The following WDR7 variants were observed in gnomAD, a reference collection of about 807,000 sequenced individuals.
The protein encoded by WDR7 is WD repeat domain 7, also known as WD repeat-containing protein 7.
Under a neutral mutation model 169.4 loss-of-function variants are expected in WDR7, and 46 were observed. The ratio of observed to expected loss-of-function variants is 0.27; its 90% CI spans 0.21 to 0.35. WDR7 has a LOEUF of 0.35. Ranked by LOEUF, WDR7 falls within the 10% of genes least tolerant of loss-of-function variation. The pLI, the probability that WDR7 is intolerant of heterozygous loss-of-function variation, is 1.00. For synonymous variants in WDR7, 612 were observed against 666.8 expected (o/e 0.92, Z 1.27); for missense variants, 1,534 against 1,859.3 (o/e 0.83, Z 3.22).
chr18:56,800,806 T>C (rs2044660156), intron 19 of WDR7, among the ~76,000 whole-genome samples: 2 of 152,226 alleles, frequency 1.3e-5, no homozygotes, highest in South Asian at 4.1e-4. Flanking sequence ...TGGCACAGGC[T>C]CCCTGCTCAT....
intron 16 of WDR7, among the ~76,000 whole-genome samples, chr18:56,773,216 A>G (rs2044191187): frequency 6.6e-6 from 1 of 152,148 alleles, no homozygotes; most frequent in Non-Finnish European, 1.5e-5. Context: ...GCCCCTTATG[A>G]AGGCACTTTT....
chr18:56,727,699 G>A (rs1392339070), intron 13 of WDR7, among the ~76,000 whole-genome samples: 1 of 152,120 alleles, frequency 6.6e-6, no homozygotes, highest in Non-Finnish European at 1.5e-5. Flanking sequence ...AGATTTGGGT[G>A]GTGACTCAGG....
At chr18:56,738,795 ATCCTTTTT>A (rs2026758548) in intron 14 of WDR7, among the ~76,000 whole-genome samples, 1 of 131,454 alleles carries the variant, frequency 7.6e-6, no homozygotes, top group African/African-American at 3.0e-5. Flanking sequence ...ATAGCATAAA[ATCCTTTTT>A]TTTTTTTTTT....
intron 21 of WDR7, among the ~76,000 whole-genome samples, chr18:56,895,527 AAATTAAAATG>A (rs1056442439): frequency 6.6e-6 from 1 of 151,808 alleles, no homozygotes; most frequent in Non-Finnish European, 1.5e-5. Flanking sequence ...TGGTTAAAAT[AAATTAAAATG>A]ATGCTCAAAT....
chr18:56,678,786 C>T (rs1314956133), intron 2 of WDR7, among the ~76,000 whole-genome samples: 2 of 152,318 alleles, frequency 1.3e-5, no homozygotes, highest in Non-Finnish European at 2.9e-5. Context: ...TGAGGCACCG[C>T]ACCCAGCAGC....
At chr18:57,010,931 T>C (rs1489420410) in intron 26 of WDR7, among the ~76,000 whole-genome samples, 1 of 152,210 alleles carries the variant, frequency 6.6e-6, no homozygotes, top group African/African-American at 2.4e-5. Flanking sequence ...TGCTGTATGA[T>C]GATTACAGCG....
At chr18:56,956,956 T>C (rs945497303) in intron 25 of WDR7, among the ~76,000 whole-genome samples, 1 of 152,140 alleles carries the variant, frequency 6.6e-6, no homozygotes, top group African/African-American at 2.4e-5. Flanking sequence ...GAACATTCTT[T>C]TAGTGAAAAG....
intron 17 of WDR7, 93 bp from the exon 18 acceptor site, chr18:56,779,337 CT>C (rs1314971921): frequency 1.0e-5 from 9 of 879,874 alleles, no homozygotes; most frequent in Non-Finnish European, 1.2e-5. Flanking sequence ...GCAGATCTGC[CT>C]TTTTTTGTTT....
At chr18:56,806,602 G>A (rs1041223787) in intron 19 of WDR7, among the ~76,000 whole-genome samples, 27 of 152,186 alleles carry the variant, frequency 1.8e-4, no homozygotes, top group African/African-American at 4.6e-4. Context: ...TTCATTCACC[G>A]AGTCCCTCCA....
At chr18:56,810,438 T>C (rs2044848944) in intron 19 of WDR7, among the ~76,000 whole-genome samples, 1 of 152,116 alleles carries the variant, frequency 6.6e-6, no homozygotes, top group Non-Finnish European at 1.5e-5. Context: ...AAATGAAATA[T>C]ATATATAATT....
intron 25 of WDR7, among the ~76,000 whole-genome samples, chr18:56,951,859 A>G (rs988844821): frequency 6.6e-6 from 1 of 152,192 alleles, no homozygotes; most frequent in Non-Finnish European, 1.5e-5. Flanking sequence ...TGAAGAGCCC[A>G]AAGAACATTT....
intron 19 of WDR7, among the ~76,000 whole-genome samples, chr18:56,789,852 G>A (rs1218642957): frequency 6.6e-6 from 1 of 152,124 alleles, no homozygotes; most frequent in Non-Finnish European, 1.5e-5. Context: ...TTAAGAAGTT[G>A]TACATACTTA....
chr18:56,945,397 A>G (rs1016844602), intron 25 of WDR7, among the ~76,000 whole-genome samples: 1 of 152,202 alleles, frequency 6.6e-6, no homozygotes, highest in African/African-American at 2.4e-5. Flanking sequence ...AATAGTCTGT[A>G]GCTGTCTGTA....
At chr18:56,979,256 T>C (rs1242420144) in intron 26 of WDR7, among the ~76,000 whole-genome samples, 1 of 152,212 alleles carries the variant, frequency 6.6e-6, no homozygotes, top group Non-Finnish European at 1.5e-5. Flanking sequence ...GTTTTAGTTA[T>C]TCCTTTCTAC....
At chr18:56,923,341 C>T (rs757484016) in intron 21 of WDR7, among the ~76,000 whole-genome samples, 38 of 152,194 alleles carry the variant, frequency 2.5e-4, no homozygotes, top group Non-Finnish European at 4.3e-4. Context: ...ACTATTAACA[C>T]GTTTAACAAA....
chr18:56,798,111 T>C (rs1030959020), intron 19 of WDR7, among the ~76,000 whole-genome samples: 4 of 152,182 alleles, frequency 2.6e-5, no homozygotes, highest in African/African-American at 9.7e-5. Context: ...GTTAAAAGCA[T>C]TTTATTTTTA....
chr18:56,784,093 C>G (rs1316619298), intron 19 of WDR7, among the ~76,000 whole-genome samples: 2 of 152,048 alleles, frequency 1.3e-5, no homozygotes, highest in Non-Finnish European at 2.9e-5. Flanking sequence ...TGTAAAGTAC[C>G]CACTATTGCC....
chr18:56,867,790 T>C (rs2045902758), intron 20 of WDR7, among the ~76,000 whole-genome samples: 1 of 152,124 alleles, frequency 6.6e-6, no homozygotes, highest in Non-Finnish European at 1.5e-5. Flanking sequence ...AAGTTAAACA[T>C]TGGAATAATT....
chr18:56,893,533 G>T (rs2046292830), intron 21 of WDR7, among the ~76,000 whole-genome samples: 1 of 152,120 alleles, frequency 6.6e-6, no homozygotes, highest in Non-Finnish European at 1.5e-5. Context: ...TTAAGACTTT[G>T]TTGAATGGTA....
Sources: allele counts gnomAD v4.1 joint callset (sites outside exome capture counted in the v4.1 genomes callset), GRCh38; gene constraint gnomAD v4.1.1; transcripts MANE v1.5; gene names NCBI Gene and HGNC (gene_info 2026-07-23, HGNC 2026-07-21).